OSBPL9: variants seen among roughly 807,000 people sequenced by gnomAD.
OSBPL9 encodes oxysterol binding protein like 9.
Under a neutral mutation model 106.6 loss-of-function variants are expected in OSBPL9, and 40 were observed. The ratio of observed to expected loss-of-function variants is 0.38; its 90% CI spans 0.29 to 0.49. OSBPL9 has a LOEUF of 0.49. Among genes scored for constraint, OSBPL9 ranks in the 20% least tolerant of loss-of-function variants. The probability of loss-of-function intolerance (pLI) is 0.97; values close to 1 mark genes in which losing one functional copy is unlikely to be tolerated. For synonymous variants in OSBPL9, 269 were observed against 295.4 expected, an observed-to-expected ratio of 0.91 and a Z score of 0.92; for missense variants, 609 against 887.2, an observed-to-expected ratio of 0.69 and a Z score of 3.98.
At chr1:51,757,633 AAT>A (rs1670620230) in intron 9 of OSBPL9, among the ~76,000 whole-genome samples, 1 of 152,058 alleles carries the variant, frequency 6.6e-6, no homozygotes, top group Admixed American at 6.5e-5. Context: ...CTAATAGAAA[AAT>A]ATCTTTGAAT....
At chr1:51,575,930 T>G (rs1273715037), upstream of OSBPL9, among the ~76,000 whole-genome samples, 2 of 152,148 alleles carry the variant, frequency 1.3e-5, no homozygotes, top group Non-Finnish European at 2.9e-5. Flanking sequence ...AACCCTTATC[T>G]CCCTCATCAC....
chr1:51,713,531 T>G (rs1660498813), intron 3 of OSBPL9, among the ~76,000 whole-genome samples: 1 of 152,182 alleles, frequency 6.6e-6, no homozygotes, highest in African/African-American at 2.4e-5. Flanking sequence ...TATACCAGCT[T>G]CCGCCACACA....
intron 2 of OSBPL9, among the ~76,000 whole-genome samples, chr1:51,604,759 T>C (rs1482049385): frequency 6.6e-6 from 1 of 151,906 alleles, no homozygotes; most frequent in Non-Finnish European, 1.5e-5. Context: ...GTCCAAGTGA[T>C]TCTCCTGCCT....
the OSBPL9 span, among the ~76,000 whole-genome samples, chr1:51,527,961 A>C: frequency 0.043 from 5,882 of 137,942 alleles, 154 homozygotes; most frequent in East Asian, 0.14. Context: ...AAAAATACAA[A>C]AAAAAAAAAA....
At chr1:51,564,980 T>C in the OSBPL9 span, among the ~76,000 whole-genome samples, 1 of 152,220 alleles carries the variant, frequency 6.6e-6, no homozygotes, top group Non-Finnish European at 1.5e-5. Context: ...TATTTTTCCA[T>C]GGTGCTGAAG....
chr1:51,630,693 A>C (rs6692217), intron 1 of OSBPL9, among the ~76,000 whole-genome samples: 7 of 152,050 alleles, frequency 4.6e-5, no homozygotes, highest in South Asian at 2.1e-4. Flanking sequence ...CTAAACTTAC[A>C]AAAAAAATTT....
At chr1:51,596,703 C>A (rs555368011) in intron 1 of OSBPL9, among the ~76,000 whole-genome samples, 1 of 152,212 alleles carries the variant, frequency 6.6e-6, no homozygotes, top group Admixed American at 6.5e-5. Context: ...TTGCTTGAAC[C>A]CGGGAGGCGG....
the OSBPL9 span, among the ~76,000 whole-genome samples, chr1:51,537,905 G>T: frequency 1.3e-5 from 2 of 151,992 alleles, no homozygotes; most frequent in African/African-American, 2.4e-5. Flanking sequence ...ACACCACAGG[G>T]TTCTTTCTCC....
intron 13 of OSBPL9, among the ~76,000 whole-genome samples, 186 bp downstream of exon 13, chr1:51,772,368 A>G (rs149969798): frequency 1.3e-5 from 2 of 152,314 alleles, no homozygotes; most frequent in African/African-American, 4.8e-5. Flanking sequence ...ACAAAAAATT[A>G]GCTGGGCATG....
At chr1:51,714,761 A>G (rs911206086) in intron 4 of OSBPL9, among the ~76,000 whole-genome samples, 4 of 152,158 alleles carry the variant, frequency 2.6e-5, no homozygotes, top group Non-Finnish European at 2.9e-5. Context: ...GAGTAACACA[A>G]TTATTGCTCA....
intron 1 of OSBPL9, 119 bp downstream of exon 1, chr1:51,617,340 G>A (rs2148611530): frequency 9.8e-7 from 1 of 1,018,008 alleles, no homozygotes; most frequent in Non-Finnish European, 1.4e-6. Context: ...GCCGCCGTAC[G>A]CGAGGGTTCC....
At chr1:51,717,288 C>G (rs12569262) in intron 4 of OSBPL9, among the ~76,000 whole-genome samples, 19,084 of 152,122 alleles carry the variant, frequency 0.13, 1,316 homozygotes, top group Middle Eastern at 0.22. Flanking sequence ...TTTCATTGAA[C>G]TTTATCTACT....
chr1:51,745,433 T>A, intron 4 of OSBPL9, 103 bp from the exon 5 acceptor site: 1 of 1,492,206 alleles, frequency 6.7e-7, no homozygotes, highest in Non-Finnish European at 9.0e-7. Context: ...AGAACTGTAT[T>A]TTAAAAATTG....
chr1:51,785,769 C>G, intron 20 of OSBPL9, 39 bp from the exon 21 acceptor site: 1 of 1,573,290 alleles, frequency 6.4e-7, no homozygotes, highest in Non-Finnish European at 8.7e-7. Flanking sequence ...GTAGAATTTT[C>G]AACTTGAGAC....
the OSBPL9 span, among the ~76,000 whole-genome samples, chr1:51,525,066 G>A: frequency 8.1e-3 from 1,227 of 152,296 alleles, 15 homozygotes; most frequent in Admixed American, 9.3e-3. Flanking sequence ...CTAAAGTAGG[G>A]CACATGAGTG....
chr1:51,782,316 T>G (rs975717601), intron 16 of OSBPL9, among the ~76,000 whole-genome samples: 3 of 152,200 alleles, frequency 2.0e-5, no homozygotes, highest in Admixed American at 6.5e-5. Context: ...TGGCAGACAT[T>G]GATAAGTGCC....
chr1:51,769,068 G>A (rs1673264581), intron 12 of OSBPL9, among the ~76,000 whole-genome samples: 1 of 152,110 alleles, frequency 6.6e-6, no homozygotes, highest in African/African-American at 2.4e-5. Context: ...ATTCTTTCAG[G>A]TTGGGTATGC....
At position 51,785,849 on chromosome 1, in the gene OSBPL9, A is replaced by G; in HGVS notation, c.1871A>G (p.Glu624Gly). ...DKKSFCSIEG[E>G]WNGVMYAKYA... ...AAGTCTTTTTGCTCAATTGAAGGGGAATGGAATGGTGTGATGTATGCAAAA... is the reference window on the plus strand; with the variant it reads ...AAGTCTTTTTGCTCAATTGAAGGGGGATGGAATGGTGTGATGTATGCAAAA... The change falls in exon 21 of 24, where the codon GAA (glutamate) becomes GGA (glycine). Residue 624 changes from glutamate (E) to glycine (G), a missense_variant. By Grantham distance (98) the Glu-to-Gly change is moderately conservative. Transcript: ENST00000428468. 6.2e-7 allele frequency: 1 copy of G among 1,609,384 alleles called. No homozygotes were observed. Among genetic ancestry groups the G allele is most frequent in the Non-Finnish European group, 8.5e-7 (1 of 1,179,018 alleles).
chr1:51,581,939 G>A (rs150928193), intron 1 of OSBPL9, among the ~76,000 whole-genome samples: 229 of 152,166 alleles, frequency 1.5e-3, no homozygotes, highest in Non-Finnish European at 2.4e-3. Context: ...GACGCTCAAG[G>A]CTCATCTTGT....
Sources: gnomAD v4.1 joint callset for allele counts (sites outside exome capture counted in the v4.1 genomes callset) on GRCh38, gnomAD v4.1.1 for gene constraint, MANE v1.5 for transcripts, NCBI Gene and HGNC (gene_info 2026-07-23, HGNC 2026-07-21) for gene names.